The following MAST4 variants were observed in gnomAD, a reference collection of about 807,000 sequenced individuals.
MAST4 encodes the protein microtubule associated serine/threonine kinase family member 4.
A neutral mutation model predicts 162.7 loss-of-function variants in MAST4; 89 were observed. That is an observed-to-expected ratio of 0.55 (90% CI 0.46 to 0.65). MAST4 has a LOEUF of 0.65. Ranked by LOEUF, MAST4 falls within the 30% of genes least tolerant of loss-of-function variation. MAST4 has a pLI of 0.00. For missense variants in MAST4, 3,153 were observed against 3,374.0 expected (o/e 0.93, Z 1.62); for synonymous variants, 1,479 against 1,361.1 (o/e 1.09, Z -1.91).
At chr5:66,931,251 C>G (rs1742159678) in intron 4 of MAST4, among the ~76,000 whole-genome samples, 1 of 152,078 alleles carries the variant, frequency 6.6e-6, no homozygotes, top group Admixed American at 6.6e-5. Flanking sequence ...ATATGTTTAT[C>G]CTTATTTTTA....
chr5:66,913,695 C>T (rs1481872280), intron 4 of MAST4, among the ~76,000 whole-genome samples: 1 of 152,176 alleles, frequency 6.6e-6, no homozygotes, highest in Non-Finnish European at 1.5e-5. Context: ...GGTATTGGAG[C>T]TAAGCCGTCT....
intron 1 of MAST4, among the ~76,000 whole-genome samples, chr5:66,678,781 C>G (rs1381750829): frequency 1.5e-5 from 2 of 130,976 alleles, no homozygotes; most frequent in Non-Finnish European, 3.2e-5. Context: ...TGTGAACCAC[C>G]ATGCCCGGCC....
intron 3 of MAST4, among the ~76,000 whole-genome samples, chr5:66,885,116 G>A (rs1263344247): frequency 6.6e-6 from 1 of 152,172 alleles, no homozygotes; most frequent in Non-Finnish European, 1.5e-5. Context: ...TTTGACAGTA[G>A]CTGGGATCTA....
At chr5:67,033,211 T>A (rs1755568079) in intron 4 of MAST4, among the ~76,000 whole-genome samples, 1 of 151,588 alleles carries the variant, frequency 6.6e-6, no homozygotes, top group Non-Finnish European at 1.5e-5. Flanking sequence ...CTTGCTGACT[T>A]GATAACACTT....
intron 5 of MAST4, among the ~76,000 whole-genome samples, chr5:67,083,763 G>T (rs1340091981): frequency 6.6e-6 from 1 of 152,130 alleles, no homozygotes; most frequent in African/African-American, 2.4e-5. Context: ...TGTTACAGTG[G>T]CTATGTTCTT....
intron 4 of MAST4, among the ~76,000 whole-genome samples, chr5:67,053,553 A>G (rs2150555019): frequency 6.6e-6 from 1 of 152,332 alleles, no homozygotes; most frequent in African/African-American, 2.4e-5. Flanking sequence ...ATAGAGAATG[A>G]AGTGCCAGTC....
intron 4 of MAST4, among the ~76,000 whole-genome samples, chr5:66,965,594 G>GT (rs1392387915): frequency 8.0e-6 from 1 of 124,626 alleles, no homozygotes; most frequent in Non-Finnish European, 1.7e-5. Context: ...GGGCGGGGGG[G>GT]GGGGCGGTGA....
At chr5:66,772,820 A>G (rs1332763633) in intron 2 of MAST4, among the ~76,000 whole-genome samples, 1 of 152,184 alleles carries the variant, frequency 6.6e-6, no homozygotes, top group African/African-American at 2.4e-5. Context: ...ATTGGATCCT[A>G]TACTCTCAAG....
At chr5:66,945,699 A>G (rs1451562431) in intron 4 of MAST4, among the ~76,000 whole-genome samples, 1 of 152,058 alleles carries the variant, frequency 6.6e-6, no homozygotes, top group Admixed American at 6.6e-5. Flanking sequence ...AACACTGAGC[A>G]TTGGGATCAT....
intron 4 of MAST4, among the ~76,000 whole-genome samples, chr5:66,902,917 C>A (rs1763102752): frequency 6.6e-6 from 1 of 152,110 alleles, no homozygotes; most frequent in Non-Finnish European, 1.5e-5. Context: ...GTCCTATCCC[C>A]CTCCTTCCAG....
intron 1 of MAST4, among the ~76,000 whole-genome samples, chr5:66,644,177 T>C (rs1007399418): frequency 6.6e-6 from 1 of 152,022 alleles, no homozygotes; most frequent in Non-Finnish European, 1.5e-5. Flanking sequence ...TCCTACTAGA[T>C]GTATGTATGA....
chr5:67,027,634 T>TA (rs1398011218), intron 4 of MAST4, among the ~76,000 whole-genome samples: 6 of 152,202 alleles, frequency 3.9e-5, no homozygotes, highest in Non-Finnish European at 7.4e-5. Context: ...TTTATAAGAA[T>TA]AAGCCTTTTC....
At chr5:66,699,369 T>C (rs1749617152) in intron 1 of MAST4, among the ~76,000 whole-genome samples, 1 of 152,208 alleles carries the variant, frequency 6.6e-6, no homozygotes, top group Non-Finnish European at 1.5e-5. Flanking sequence ...CCCTATTTTA[T>C]TTTTTCTCCA....
At chr5:66,948,416 G>A (rs950963386) in intron 4 of MAST4, among the ~76,000 whole-genome samples, 3 of 152,022 alleles carry the variant, frequency 2.0e-5, no homozygotes, top group African/African-American at 4.8e-5. Flanking sequence ...TTTGGTTACC[G>A]AATTATCCAA....
chr5:66,670,168 C>T (rs1397104257), intron 1 of MAST4, among the ~76,000 whole-genome samples: 7 of 152,038 alleles, frequency 4.6e-5, no homozygotes, highest in African/African-American at 1.7e-4. Context: ...CAGTCCTATG[C>T]GTCTTCATCT....
At chr5:66,818,294 G>A (rs188914515) in intron 3 of MAST4, among the ~76,000 whole-genome samples, 11 of 152,198 alleles carry the variant, frequency 7.2e-5, no homozygotes, top group Admixed American at 7.2e-4. Context: ...AAAAGAGAGA[G>A]CAGCTGCTCA....
intron 4 of MAST4, among the ~76,000 whole-genome samples, chr5:67,019,305 T>C (rs1753689583): frequency 6.6e-6 from 1 of 152,184 alleles, no homozygotes; most frequent in Non-Finnish European, 1.5e-5. Context: ...GATGGGCCCA[T>C]TGACACTAGT....
chr5:67,002,561 G>T (rs548745986), intron 4 of MAST4, among the ~76,000 whole-genome samples: 1 of 152,210 alleles, frequency 6.6e-6, no homozygotes, highest in Non-Finnish European at 1.5e-5. Flanking sequence ...GAAGCACATT[G>T]TGGGGTGTCC....
At chr5:66,618,923 G>T (rs1021280107) in intron 1 of MAST4, among the ~76,000 whole-genome samples, 2 of 152,110 alleles carry the variant, frequency 1.3e-5, no homozygotes, top group African/African-American at 4.8e-5. Context: ...TCTTTCTGTG[G>T]TCTGTAAGCC....
Sources: gnomAD v4.1 joint callset for allele counts (sites outside exome capture counted in the v4.1 genomes callset) on GRCh38, gnomAD v4.1.1 for gene constraint, MANE v1.5 for transcripts, NCBI Gene and HGNC (gene_info 2026-07-23, HGNC 2026-07-21) for gene names.